The following CRTAC1 variants were observed in gnomAD, a reference collection of about 807,000 sequenced individuals.
CRTAC1 encodes the protein cartilage acidic protein 1.
CRTAC1 carries 37 observed loss-of-function variants against 67.8 expected under a neutral mutation model. The ratio of observed to expected loss-of-function variants is 0.55; its 90% CI spans 0.42 to 0.72. The LOEUF (loss-of-function observed/expected upper bound fraction) is 0.72. Among genes scored for constraint, CRTAC1 ranks in the 30% least tolerant of loss-of-function variants. CRTAC1 has a pLI of 0.00. For synonymous variants in CRTAC1, 348 were observed against 371.0 expected, an observed-to-expected ratio of 0.94 and a Z score of 0.71; for missense variants, 780 against 931.6, an observed-to-expected ratio of 0.84 and a Z score of 2.12.
At chr10:97,936,475 G>A (rs1590221872) in intron 2 of CRTAC1, 109 bp from the exon 3 acceptor site, 2 of 834,286 alleles carry the variant, frequency 2.4e-6, no homozygotes, top group Non-Finnish European at 3.7e-6. Flanking sequence ...CATGGGGCAA[G>A]TCAGACCTGG....
intron 13 of CRTAC1, among the ~76,000 whole-genome samples, chr10:97,881,569 C>G (rs1226356774): frequency 6.6e-6 from 1 of 152,224 alleles, no homozygotes; most frequent in Non-Finnish European, 1.5e-5. Flanking sequence ...CCCAGCATGA[C>G]ACTTGCTGTG....
chr10:97,900,762 G>GTAGCCCCTTTTCCTGGTAGTGATTGGAC (rs1201028269), intron 8 of CRTAC1, among the ~76,000 whole-genome samples: 1 of 54,340 alleles, frequency 1.8e-5, no homozygotes, highest in Non-Finnish European at 3.5e-5. Context: ...AGTGATTGGA[G>GTAGCCCCTTTTCCTGGTAGTGATTGGAC]CCCGTAGCCC....
At chr10:97,952,562 A>AAAAAAAC (rs2051375135) in intron 2 of CRTAC1, among the ~76,000 whole-genome samples, 1 of 137,988 alleles carries the variant, frequency 7.2e-6, no homozygotes, top group Non-Finnish European at 1.6e-5. Context: ...AAAAAAAAAA[A>AAAAAAAC]GAACGCAAAT....
chr10:97,888,278 T>A (rs2050315474), intron 11 of CRTAC1, among the ~76,000 whole-genome samples: 1 of 152,144 alleles, frequency 6.6e-6, no homozygotes, highest in Non-Finnish European at 1.5e-5. Context: ...ACTGTTACCA[T>A]GTGGTGAGAG....
chr10:97,952,357 AAAATAAAT>A (rs946553484), intron 2 of CRTAC1, among the ~76,000 whole-genome samples: 7 of 150,392 alleles, frequency 4.7e-5, no homozygotes, highest in Non-Finnish European at 1.0e-4. Context: ...ATCTCAAAAA[AAAATAAAT>A]AAATAAATAA....
chr10:98,009,337 C>T (rs1842861688), intron 2 of CRTAC1, among the ~76,000 whole-genome samples: 1 of 152,182 alleles, frequency 6.6e-6, no homozygotes, highest in Non-Finnish European at 1.5e-5. Flanking sequence ...ACATTTACAT[C>T]ATCACAGAAA....
At chr10:97,883,293 C>T (rs1276288193) in intron 12 of CRTAC1, among the ~76,000 whole-genome samples, 2 of 152,172 alleles carry the variant, frequency 1.3e-5, no homozygotes, top group African/African-American at 4.8e-5. Context: ...GATGGGTGGA[C>T]ATCCTAGCAG....
chr10:97,976,654 T>C (rs2051808978), intron 2 of CRTAC1, among the ~76,000 whole-genome samples: 1 of 152,224 alleles, frequency 6.6e-6, no homozygotes, highest in South Asian at 2.1e-4. Context: ...AACCGATCCA[T>C]TGCCACTGCT....
chr10:98,001,395 A>G (rs942215179), intron 2 of CRTAC1, among the ~76,000 whole-genome samples: 2 of 152,214 alleles, frequency 1.3e-5, no homozygotes, highest in Non-Finnish European at 2.9e-5. Context: ...CAAAGCAGGG[A>G]CGACACTATT....
chr10:97,919,883 G>A (rs1177561253), intron 4 of CRTAC1, among the ~76,000 whole-genome samples: 1 of 151,094 alleles, frequency 6.6e-6, no homozygotes, highest in Non-Finnish European at 1.5e-5. Flanking sequence ...GGGACTACAG[G>A]TGTGCCCCAC....
At chr10:97,928,454 C>A (rs2136603756) in intron 3 of CRTAC1, among the ~76,000 whole-genome samples, 1 of 152,338 alleles carries the variant, frequency 6.6e-6, no homozygotes, top group East Asian at 1.9e-4. Context: ...GTCTATAGCA[C>A]TTGCCAGGTA....
In CRTAC1 at chr10:97,974,116, T is replaced by G. The variant is rs1054966072; in HGVS notation, c.224+37022A>C. On this transcript the variant is annotated intron_variant, in intron 2 of 14. Coordinates refer to ENST00000370597, the MANE Select transcript of CRTAC1 (RefSeq NM_018058.7). ...GAACTTCTAAAGGATGGGCGCTGCATGCTGTGTTGTGTGCAGGAGATATTT... is the reference window on the plus strand; with the variant it reads ...GAACTTCTAAAGGATGGGCGCTGCAGGCTGTGTTGTGTGCAGGAGATATTT... Among the ~76,000 whole-genome samples, 10 of 152,206 alleles carry G rather than the reference T, an allele frequency of 6.6e-5. No homozygotes were observed. The South Asian group carries it at 1.2e-3, about 19-fold the overall frequency.
intron 2 of CRTAC1, among the ~76,000 whole-genome samples, chr10:98,005,616 T>A (rs1340041147): frequency 6.6e-6 from 1 of 151,040 alleles, no homozygotes; most frequent in Non-Finnish European, 1.5e-5. Flanking sequence ...CTAATTATAT[T>A]TATATACATA....
chr10:97,964,066 C>T (rs1468687201), intron 2 of CRTAC1, among the ~76,000 whole-genome samples: 2 of 152,232 alleles, frequency 1.3e-5, no homozygotes, highest in Admixed American at 6.5e-5. Context: ...CCCCTCTTTC[C>T]AGCACATCCT....
Position 98,030,371 on chromosome 10 carries a change from G to A in CRTAC1, c.24+78C>T. The A allele has an allele frequency of 2.1e-6, 2 of 945,214 alleles. No homozygotes were observed. The highest frequency in any genetic ancestry group is 1.4e-6 in the Non-Finnish European group (1 of 712,240). The allele number at this position is 945,214 out of a possible 1,614,324, so 58.6% of individuals were successfully genotyped here. On this transcript the variant is annotated intron_variant, in intron 1 of 14. Transcript: ENST00000370597. This position sits in a 1 kb window ranked among gnomAD's most constrained non-coding sequence, Gnocchi z 4.2. ...CGGGCGGCGTCCCCGCCACCCTTGC[G>A]GGCGGATCCGGGGGGGCGCGCAGAG... is the stretch of plus-strand genomic sequence containing the variant.
At chr10:98,027,804 C>A (rs958440824) in intron 1 of CRTAC1, among the ~76,000 whole-genome samples, 1 of 152,284 alleles carries the variant, frequency 6.6e-6, no homozygotes, top group East Asian at 1.9e-4. Flanking sequence ...ACTATGAGTG[C>A]CTACTGTATA....
intron 3 of CRTAC1, among the ~76,000 whole-genome samples, chr10:97,926,936 A>T (rs924961934): frequency 6.6e-6 from 1 of 152,144 alleles, no homozygotes. Flanking sequence ...GCCCTTGCCC[A>T]TCTCTGCCCA....
intron 4 of CRTAC1, 90 bp from the exon 5 acceptor site, chr10:97,917,746 C>T: frequency 9.2e-7 from 1 of 1,089,360 alleles, no homozygotes. Context: ...GACCATAGCT[C>T]TTTCACAGGG....
In CRTAC1 at chr10:97,865,727, G is replaced by C. The variant is rs567071631; in HGVS notation, c.1820-13C>G. On this transcript the variant is annotated splice_polypyrimidine_tract_variant and intron_variant, in intron 14 of 14. Coordinates refer to ENST00000370597, the MANE Select transcript of CRTAC1 (RefSeq NM_018058.7). ...TGGCCGAGAGTCCCTGTAGGGAGGT[G>C]TATGGCCGGAGTGAGGGCCTTGCAG... The C allele has an allele frequency of 3.5e-4, 553 of 1,560,772 alleles. 8 individuals carry two copies. The South Asian group carries it at 5.6e-3, about 16-fold the overall frequency.
Sources: allele counts gnomAD v4.1 joint callset (sites outside exome capture counted in the v4.1 genomes callset), GRCh38; gene constraint gnomAD v4.1.1; non-coding constraint Gnocchi (gnomAD v3.1); transcripts MANE v1.5; gene names NCBI Gene and HGNC (gene_info 2026-07-23, HGNC 2026-07-21).